Variants in KCNH7 observed in about 807,000 individuals in gnomAD.
KCNH7 encodes voltage-gated inwardly rectifying potassium channel KCNH7.
In KCNH7, 49 loss-of-function variants were observed where a neutral mutation model predicts 120.8. The observed-to-expected ratio is 0.41, with a 90% CI of 0.32 to 0.51. The LOEUF (loss-of-function observed/expected upper bound fraction) is 0.51. Among genes scored for constraint, KCNH7 ranks in the 20% least tolerant of loss-of-function variants. The pLI, the probability that KCNH7 is intolerant of heterozygous loss-of-function variation, is 0.38. For synonymous variants in KCNH7, 547 were observed against 516.1 expected, an observed-to-expected ratio of 1.06 and a Z score of -0.81; for missense variants, 1,097 against 1,446.6, an observed-to-expected ratio of 0.76 and a Z score of 3.92.
rs550398888 is a variant in KCNH7, at chr2:162,645,226, C to T, written c.308-108146G>A. Among the ~76,000 whole-genome samples the T allele has an allele frequency of 4.6e-5, 7 of 152,226 alleles. No individual in the cohort carries two copies. The South Asian group carries it at 1.5e-3, about 32-fold the overall frequency. ...GCAGTGGCGTGATCTTGGCTCACTG[C>T]AACCTCCGCCTCCCGGGTTCAAGTG... is the stretch of plus-strand genomic sequence containing the variant. On this transcript the variant is annotated intron_variant, in intron 2 of 15. Coordinates refer to ENST00000332142, the MANE Select transcript of KCNH7 (RefSeq NM_033272.4).
At chr2:162,391,256 G>A (rs1686737518) in intron 12 of KCNH7, among the ~76,000 whole-genome samples, 1 of 152,048 alleles carries the variant, frequency 6.6e-6, no homozygotes, top group East Asian at 1.9e-4. Flanking sequence ...CGTTTAGCAT[G>A]AATGATCCCC....
At chr2:162,463,092 C>CT (rs1274920429) in intron 6 of KCNH7, among the ~76,000 whole-genome samples, 1 of 151,884 alleles carries the variant, frequency 6.6e-6, no homozygotes, top group Non-Finnish European at 1.5e-5. Flanking sequence ...AAACCCGACT[C>CT]TAACCACAGG....
intron 3 of KCNH7, among the ~76,000 whole-genome samples, chr2:162,521,885 T>A (rs567489661): frequency 6.2e-4 from 94 of 151,940 alleles, no homozygotes; most frequent in African/African-American, 2.1e-3. Flanking sequence ...CTATTACCTA[T>A]CCCCACTTTA....
At chr2:162,796,424 T>C (rs2105530995) in intron 2 of KCNH7, 1 of 152,168 alleles carries the variant, frequency 6.6e-6, no homozygotes, top group South Asian at 2.1e-4. Context: ...CCAGTGTCTG[T>C]TGGGTTCAGC....
At chr2:162,643,866 C>T (rs1332534157) in intron 2 of KCNH7, among the ~76,000 whole-genome samples, 1 of 147,212 alleles carries the variant, frequency 6.8e-6, no homozygotes. Context: ...ATTGAGCAGA[C>T]TGATATATTA....
chr2:162,568,363 G>A (rs922145187), intron 2 of KCNH7, among the ~76,000 whole-genome samples: 3 of 151,964 alleles, frequency 2.0e-5, no homozygotes, highest in Non-Finnish European at 2.9e-5. Flanking sequence ...ATGTAAGAGC[G>A]ACACCATACA....
chr2:162,440,059 T>C (rs563463508), intron 7 of KCNH7, among the ~76,000 whole-genome samples: 20 of 151,738 alleles, frequency 1.3e-4, no homozygotes, highest in African/African-American at 4.8e-4. Flanking sequence ...TACAGTTAAA[T>C]GAAGAGAGAC....
intron 2 of KCNH7, among the ~76,000 whole-genome samples, chr2:162,793,346 T>C (rs1684026481): frequency 6.6e-6 from 1 of 151,894 alleles, no homozygotes; most frequent in Non-Finnish European, 1.5e-5. Flanking sequence ...TACTAATGTG[T>C]ACTAGGCTTA....
chr2:162,495,955 T>C (rs1341148904), intron 6 of KCNH7, among the ~76,000 whole-genome samples: 1 of 152,166 alleles, frequency 6.6e-6, no homozygotes, highest in Admixed American at 6.5e-5. Context: ...ATGTCAGCAA[T>C]CTTGGGATTG....
At chr2:162,731,514 G>A (rs933156198) in intron 2 of KCNH7, among the ~76,000 whole-genome samples, 3 of 151,692 alleles carry the variant, frequency 2.0e-5, no homozygotes, top group Non-Finnish European at 2.9e-5. Flanking sequence ...TGTGCTACAG[G>A]TATTAATTTG....
chr2:162,436,039 G>A (rs1688224653), intron 7 of KCNH7, among the ~76,000 whole-genome samples: 1 of 152,092 alleles, frequency 6.6e-6, no homozygotes, highest in Non-Finnish European at 1.5e-5. Context: ...GAGAAAACAA[G>A]ATCCTAGTCT....
intron 9 of KCNH7, among the ~76,000 whole-genome samples, chr2:162,413,255 G>C (rs574007603): frequency 6.6e-6 from 1 of 152,086 alleles, no homozygotes; most frequent in East Asian, 1.9e-4. Flanking sequence ...CAGCCTCCCA[G>C]ATAGCTGGGA....
chr2:162,612,765 T>A (rs923610539), intron 2 of KCNH7, among the ~76,000 whole-genome samples: 6 of 151,906 alleles, frequency 3.9e-5, no homozygotes, highest in Admixed American at 3.9e-4. Flanking sequence ...GAAAAATAGA[T>A]TGAAACACAG....
intron 2 of KCNH7, among the ~76,000 whole-genome samples, chr2:162,783,841 A>G (rs983374320): frequency 1.3e-5 from 2 of 152,210 alleles, no homozygotes; most frequent in East Asian, 1.9e-4. Flanking sequence ...TAAGAAACCT[A>G]TATTAAAGAG....
At chr2:162,430,554 A>G (rs1688029496) in intron 8 of KCNH7, among the ~76,000 whole-genome samples, 1 of 152,078 alleles carries the variant, frequency 6.6e-6, no homozygotes, top group Admixed American at 6.6e-5. Flanking sequence ...AAGTGCCTCC[A>G]GGCAAAAAGC....
intron 2 of KCNH7, among the ~76,000 whole-genome samples, chr2:162,552,474 C>T (rs1692702697): frequency 6.6e-6 from 1 of 152,138 alleles, no homozygotes; most frequent in Non-Finnish European, 1.5e-5. Context: ...ATTTGCCAGG[C>T]AAAATTCTAA....
intron 6 of KCNH7, among the ~76,000 whole-genome samples, chr2:162,497,842 C>G (rs892995591): frequency 6.6e-6 from 1 of 151,472 alleles, no homozygotes; most frequent in Non-Finnish European, 1.5e-5. Flanking sequence ...AATGCTCAAT[C>G]AATGTCAGAA....
intron 2 of KCNH7, among the ~76,000 whole-genome samples, chr2:162,779,627 C>G (rs1185114349): frequency 1.3e-5 from 2 of 152,168 alleles, no homozygotes; most frequent in Non-Finnish European, 2.9e-5. Context: ...ACACTTCTTT[C>G]CACTTTTTAA....
intron 13 of KCNH7, among the ~76,000 whole-genome samples, chr2:162,380,576 C>T (rs868757036): frequency 5.5e-4 from 84 of 152,224 alleles, no homozygotes; most frequent in African/African-American, 1.9e-3. Context: ...AAGAATTTTA[C>T]AAGTCCCCTA....
Sources: allele counts gnomAD v4.1 joint callset (sites outside exome capture counted in the v4.1 genomes callset), GRCh38; gene constraint gnomAD v4.1.1; transcripts MANE v1.5; gene names NCBI Gene and HGNC (gene_info 2026-07-23, HGNC 2026-07-21).